RRP9: variants seen among roughly 807,000 people sequenced by gnomAD.
RRP9 encodes the protein ribosomal RNA processing 9, U3 small nucleolar RNA binding protein.
In RRP9, 35 loss-of-function variants were observed where a neutral mutation model predicts 65.5. The observed-to-expected ratio is 0.53, with a 90% confidence interval of 0.41 to 0.71. The LOEUF is 0.71. Ranked by LOEUF, RRP9 falls within the 30% of genes least tolerant of loss-of-function variation. The pLI, the probability that RRP9 is intolerant of heterozygous loss-of-function variation, is 0.00. For missense variants in RRP9, 533 were observed against 633.6 expected (o/e 0.84, Z 1.70); for synonymous variants, 254 against 245.0 (o/e 1.04, Z -0.34).
At chr3:51,936,199 G>A (rs1699456877) in intron 8 of RRP9, 58 bp downstream of exon 8, 3 of 1,513,474 alleles carry the variant, frequency 2.0e-6, no homozygotes, top group Admixed American at 1.7e-5. Flanking sequence ...CCAGCACTGA[G>A]CCTAGAACAC....
chr3:51,938,226 G>A, intron 2 of RRP9, 22 bp from the exon 3 acceptor site: 1 of 1,520,306 alleles, frequency 6.6e-7, no homozygotes, highest in Non-Finnish European at 8.8e-7. Flanking sequence ...AAGGGGCTGG[G>A]TCTGAGGGGC....
In RRP9 at chr3:51,934,894, T is replaced by C. The variant is rs1409402899; in HGVS notation, c.1035-118A>G. 2.7e-6 allele frequency: 3 copies of C among 1,122,864 alleles called. No individual in the cohort carries two copies. The East Asian group carries it at 7.4e-5, about 28-fold the overall frequency. The allele number at this position is 1,122,864 out of a possible 1,614,324, so 69.6% of individuals were successfully genotyped here. A position where few individuals can be genotyped will look rare whatever the true frequency, so the allele number is the denominator to read the frequency against. ...ACCCCATTTCCCATGATGTGATTAT[T>C]ACATATTGCATGCCTGTATCAAAAC... is the stretch of plus-strand genomic sequence containing the variant. On this transcript the variant is annotated intron_variant, in intron 11 of 14. Transcript: ENST00000232888. This position sits in a 1 kb window ranked among gnomAD's most constrained non-coding sequence, Gnocchi z 4.1.
intron 1 of RRP9, 78 bp from the exon 2 acceptor site, chr3:51,941,569 T>A: frequency 1.5e-6 from 2 of 1,373,980 alleles, no homozygotes; most frequent in South Asian, 2.3e-5. Context: ...CCCCCTCGGT[T>A]CCCTCAGAAC....
Position 51,935,327 on chromosome 3 carries a change from G to C in RRP9, c.971+15C>G. 1 of 1,614,118 alleles carries C rather than the reference G, an allele frequency of 6.2e-7. No homozygotes were observed. The highest frequency in any genetic ancestry group is 8.5e-7 in the Non-Finnish European group (1 of 1,179,984). On this transcript the variant is annotated intron_variant, in intron 10 of 14. Coordinates refer to ENST00000232888, the MANE Select transcript of RRP9 (RefSeq NM_004704.5). ...CAGCCCATGTAGCCCCCACTGGCAT[G>C]GCAGGCCACCTTACTGGTGGCCATA...
Position 51,934,826 on chromosome 3 carries a change from G to T in RRP9, c.1035-50C>A, listed in dbSNP as rs374234413. 1.6e-5 allele frequency: 25 copies of T among 1,579,420 alleles called. No homozygotes were observed. The highest frequency in any genetic ancestry group is 5.4e-5 in the African/African-American group (4 of 74,196). On this transcript the variant is annotated intron_variant, in intron 11 of 14. Transcript: ENST00000232888. The surrounding 1 kb of genome is among the most constrained non-coding windows in gnomAD (Gnocchi z 4.1). ...AGTGAGGGGGCCAGAGGCAGAAAAG[G>T]CCCCCTGTGTAACACAAAGGATTAA...
At chr3:51,939,476 T>C (rs565253539) in intron 2 of RRP9, among the ~76,000 whole-genome samples, 63 of 152,188 alleles carry the variant, frequency 4.1e-4, no homozygotes, top group Non-Finnish European at 6.8e-4. Context: ...TGCACAACTC[T>C]AGGGGCAGTG....
At position 51,941,811 on chromosome 3, in the gene RRP9, A is replaced by T; in HGVS notation, c.57T>A (p.Ala19=). The change falls in exon 1 of 15, where the codon GCT becomes GCA. Residue 19 remains alanine (A), a synonymous_variant. Transcript: ENST00000232888. ...GCCGCCGCTTGCCGGCCCCCGCGCC[A>T]GCCCCGGCCCCAGAGGCCGGCTTTC... is the stretch of plus-strand genomic sequence containing the variant. ...KRGKPASGAG[A]GAGAGKRRRK... 6.3e-7 allele frequency: 1 copy of T among 1,577,910 alleles called. No homozygotes were observed. Among genetic ancestry groups the T allele is most frequent in the Non-Finnish European group, 8.5e-7 (1 of 1,170,240 alleles).
intron 8 of RRP9, 138 bp downstream of exon 8, chr3:51,936,119 T>C: frequency 1.3e-6 from 1 of 768,988 alleles, no homozygotes; most frequent in Admixed American, 2.3e-5. Flanking sequence ...ATTTATGTAT[T>C]TTACAGCACC....
chr3:51,935,524 A>G lies in RRP9; in HGVS notation c.837-48T>C, dbSNP rs183610692. On this transcript the variant is annotated intron_variant, in intron 9 of 14. Coordinates refer to ENST00000232888, the MANE Select transcript of RRP9 (RefSeq NM_004704.5). ...ATAGTGGGGATAGGGGTACTGCATG[A>G]ACTCACGGGCACACACTCCCACACC... 6.2e-6 allele frequency: 10 copies of G among 1,613,808 alleles called. No individual in the cohort carries two copies. In the Admixed American group the frequency reaches 1.3e-4, roughly 22 times the overall value.
In RRP9 at chr3:51,934,688, G is replaced by A; in HGVS notation, c.1123C>T (p.Gln375Ter). Residue 375 changes from glutamine (Q) to a stop codon, truncating the protein, a stop_gained, in exon 12 of 15, where the codon CAG (glutamine) becomes TAG (stop). Coordinates refer to ENST00000232888, the MANE Select transcript of RRP9 (RefSeq NM_004704.5). LOFTEE classifies it high-confidence loss of function. This position sits in a 1 kb window ranked among gnomAD's most constrained non-coding sequence, Gnocchi z 4.1. Reference sequence around the variant, plus strand: ...GCCACCGACGATATCCAGAAGGGCTGCTCCAGGCCTGGCTCTCCCCGCAGC... The same window carrying A: ...GCCACCGACGATATCCAGAAGGGCTACTCCAGGCCTGGCTCTCCCCGCAGC... The part of the protein sequence containing the change: ...HGLRGEPGLE[Q>*]PFWISSVAAL... 6.2e-7 allele frequency: 1 copy of A among 1,614,142 alleles called. No individual in the cohort carries two copies. The highest frequency in any genetic ancestry group is 8.5e-7 in the Non-Finnish European group (1 of 1,180,032).
chr3:51,941,307 A>G lies in RRP9; in HGVS notation c.170+102T>C, dbSNP rs551787537. 7.0e-6 allele frequency: 7 copies of G among 993,596 alleles called. No homozygotes were observed. The East Asian group carries it at 1.7e-4, about 24-fold the overall frequency. The allele number at this position is 993,596 out of a possible 1,614,324, so 61.5% of individuals were successfully genotyped here. A position where few individuals can be genotyped will look rare whatever the true frequency, so the allele number is the denominator to read the frequency against. ...AGCCACGATCTCAGAGCCAAGGGAC[A>G]GAGTCTTGGATTCTAGGCTCAGTTC... On this transcript the variant is annotated intron_variant, in intron 2 of 14. Coordinates refer to ENST00000232888, the MANE Select transcript of RRP9 (RefSeq NM_004704.5).
In RRP9 at chr3:51,937,537, C is replaced by G. The variant is rs753184374; in HGVS notation, c.390+8G>C. 1 of 1,614,056 alleles carries G rather than the reference C, an allele frequency of 6.2e-7. No individual in the cohort carries two copies. The highest frequency in any genetic ancestry group is 1.3e-5 in the African/African-American group (1 of 74,908). Reference sequence around the variant, plus strand: ...CCAACCTTATACCAAAATACCATGCCCACTCACCTCTTTTGCCACCAACTT... The same window carrying G: ...CCAACCTTATACCAAAATACCATGCGCACTCACCTCTTTTGCCACCAACTT... On this transcript the variant is annotated splice_region_variant and intron_variant, in intron 5 of 14. Coordinates refer to ENST00000232888, the MANE Select transcript of RRP9 (RefSeq NM_004704.5). The surrounding 1 kb of genome is among the most constrained non-coding windows in gnomAD (Gnocchi z 5.0).
intron 1 of RRP9, 62 bp from the exon 2 acceptor site, chr3:51,941,553 GCC>G: frequency 6.2e-6 from 8 of 1,290,254 alleles, no homozygotes; most frequent in East Asian, 2.5e-5. Flanking sequence ...TTGACCAAGG[GCC>G]CCCCCCCCTC....
chr3:51,938,332 C>G, intron 2 of RRP9, 128 bp from the exon 3 acceptor site: 2 of 682,466 alleles, frequency 2.9e-6, no homozygotes, highest in Non-Finnish European at 4.9e-6. Flanking sequence ...TGGTCGGTGA[C>G]TACACTGCAG....
In RRP9 at chr3:51,936,265, C is replaced by T; in HGVS notation, c.727G>A (p.Ala243Thr). 2 of 1,613,864 alleles carry T rather than the reference C, an allele frequency of 1.2e-6. No individual in the cohort carries two copies. Among genetic ancestry groups the T allele is most frequent in the South Asian group, 2.2e-5 (2 of 91,082 alleles). ...HLYTFTGHRD[A>T]VSGLAFRRGT... The stretch of plus-strand genomic sequence containing the variant: ...TAGACCCAGCTCCTCACCGACACTG[C>T]ATCCCGGTGTCCTGTGAAGGTGTAC... The change falls in exon 8 of 15, where the codon GCA (alanine) becomes ACA (threonine). Residue 243 changes from alanine (A) to threonine (T), a missense_variant. This residue lies in a region of RRP9 where 449 missense variants were observed against 550.6 expected (regional missense o/e 0.82). Transcript: ENST00000232888.
At chr3:51,938,056 C>CAG in intron 3 of RRP9, 39 bp downstream of exon 3, 1 of 1,509,416 alleles carries the variant, frequency 6.6e-7, no homozygotes, top group Non-Finnish European at 9.0e-7. Context: ...CCAGCACAGG[C>CAG]AGAAGCCCTG....
Position 51,935,332 on chromosome 3 carries a change from G to A in RRP9, c.971+10C>T, listed in dbSNP as rs201471738. The A allele has an allele frequency of 2.1e-4, 342 of 1,614,140 alleles. 4 individuals are homozygous for A. In the East Asian group the frequency reaches 6.6e-3, roughly 31 times the overall value. On this transcript the variant is annotated intron_variant, in intron 10 of 14. Coordinates refer to ENST00000232888, the MANE Select transcript of RRP9 (RefSeq NM_004704.5). ...CATGTAGCCCCCACTGGCATGGCAG[G>A]CCACCTTACTGGTGGCCATAGAAGA...
Position 51,935,577 on chromosome 3 carries a change from C to T in RRP9, c.836+15G>A. The T allele has an allele frequency of 6.2e-7, 1 of 1,613,936 alleles. No individual in the cohort carries two copies. The highest frequency in any genetic ancestry group is 8.5e-7 in the Non-Finnish European group (1 of 1,179,796). ...CTCTCACACCATCCACACACCCTCTCCCATCCACACTCACAGCGTCTCCAC... is the reference window on the plus strand; with the variant it reads ...CTCTCACACCATCCACACACCCTCTTCCATCCACACTCACAGCGTCTCCAC... On this transcript the variant is annotated intron_variant, in intron 9 of 14. Transcript: ENST00000232888.
intron 2 of RRP9, among the ~76,000 whole-genome samples, chr3:51,941,003 C>T (rs1699516460): frequency 6.6e-6 from 1 of 152,226 alleles, no homozygotes; most frequent in East Asian, 1.9e-4. Flanking sequence ...ACTCTCTTCA[C>T]CCGCCTGCCT....
Sources: allele counts gnomAD v4.1 joint callset (sites outside exome capture counted in the v4.1 genomes callset), GRCh38; gene constraint gnomAD v4.1.1; regional missense constraint gnomAD v4.1.1; non-coding constraint Gnocchi (gnomAD v3.1); transcripts MANE v1.5; gene names NCBI Gene and HGNC (gene_info 2026-07-23, HGNC 2026-07-21).